SLC12A5: variants seen among roughly 807,000 people sequenced by gnomAD.
The protein encoded by SLC12A5 is K-Cl cotransporter 2.
SLC12A5 carries 18 observed loss-of-function variants against 124.0 expected under a neutral mutation model. The observed-to-expected ratio is 0.15, with a 90% CI of 0.10 to 0.22. SLC12A5 has a LOEUF of 0.22. SLC12A5 is among the 10% of genes least tolerant of loss of function. SLC12A5 has a pLI of 1.00. For synonymous variants in SLC12A5, 589 were observed against 568.0 expected (o/e 1.04, Z -0.53); for missense variants, 867 against 1,478.7 (o/e 0.59, Z 6.78).
chr20:46,026,214 C>CT (rs1251375053), upstream of SLC12A5, among the ~76,000 whole-genome samples: 2 of 152,188 alleles, frequency 1.3e-5, no homozygotes, highest in Admixed American at 6.5e-5. Flanking sequence ...CTTCTCTGAG[C>CT]TTTTTTCTCT....
chr20:46,057,623 C>G lies in SLC12A5; in HGVS notation c.*18C>G. On this transcript the variant is annotated 3_prime_UTR_variant, in exon 26 of 26. Coordinates refer to ENST00000243964, the MANE Select transcript of SLC12A5 (RefSeq NM_020708.5). This position sits in a 1 kb window ranked among gnomAD's most constrained non-coding sequence, Gnocchi z 7.1. Reference sequence around the variant, plus strand: ...ACTCCTGAGAACCAGGACCTGCCACCCGGGCCCGAGCGCGCCCGGCCCGCG... The same window carrying G: ...ACTCCTGAGAACCAGGACCTGCCACGCGGGCCCGAGCGCGCCCGGCCCGCG... 6.2e-7 allele frequency: 1 copy of G among 1,602,838 alleles called. No individual in the cohort carries two copies. The highest frequency in any genetic ancestry group is 8.5e-7 in the Non-Finnish European group (1 of 1,173,866).
In SLC12A5 at chr20:46,059,115, T is replaced by A. The variant is rs1487616454; in HGVS notation, c.*1510T>A. On this transcript the variant is annotated 3_prime_UTR_variant, in exon 26 of 26. Transcript: ENST00000243964. ...CCGGGTTCCCTTCCCCTAGGGCACA[T>A]TACTAAGGGGGTCAGGCACTGCATG... 1 of 219,628 alleles carries A rather than the reference T, an allele frequency of 4.6e-6. No individual in the cohort carries two copies. The highest frequency in any genetic ancestry group is 8.8e-6 in the Non-Finnish European group (1 of 113,250). The allele number at this position is 219,628 out of a possible 1,614,324, so 13.6% of individuals were successfully genotyped here.
intron 17 of SLC12A5, among the ~76,000 whole-genome samples, chr20:46,050,466 C>T (rs2084637406): frequency 6.6e-6 from 1 of 152,240 alleles, no homozygotes; most frequent in African/African-American, 2.4e-5. Context: ...GAAGTAGGTT[C>T]TGTCTGAGGG....
At chr20:46,022,984 G>GAGGAGGAGGAGGAGGAGGAGGAGA (rs1568852769) in exon 2 of SLC12A5, 6 of 385,906 alleles carry the variant, frequency 1.6e-5, no homozygotes, top group African/African-American at 1.1e-4. Flanking sequence ...GGAAGAGGAG[G>GAGGAGGAGGAGGAGGAGGAGGAGA]AGGAGGAAGA....
In SLC12A5 at chr20:46,056,103, G is replaced by C; in HGVS notation, c.2788-47G>C. The C allele has an allele frequency of 6.2e-7, 1 of 1,610,192 alleles. No individual in the cohort carries two copies. The highest frequency in any genetic ancestry group is 1.1e-5 in the South Asian group (1 of 90,490). The stretch of plus-strand genomic sequence containing the variant: ...TGGTGATAGCTCTTTGCAGGGCATG[G>C]GTGGTGACTCCCAGCAGAGCTGGCA... On this transcript the variant is annotated intron_variant, in intron 21 of 25. Transcript: ENST00000243964. This position sits in a 1 kb window ranked among gnomAD's most constrained non-coding sequence, Gnocchi z 4.3.
intron 1 of SLC12A5, among the ~76,000 whole-genome samples, chr20:46,030,008 G>A (rs1273245802): frequency 2.0e-5 from 3 of 151,824 alleles, no homozygotes; most frequent in African/African-American, 7.3e-5. Context: ...CACCCAGATT[G>A]TCCCCTTGGT....
Position 46,049,719 on chromosome 20 carries a change from C to G in SLC12A5, c.2110C>G (p.Leu704Val). The change falls in exon 17 of 26, where the codon CTG becomes GTG. Residue 704 changes from leucine to valine, a missense_variant. By Grantham distance (32) the Leu-to-Val change is conservative. Transcript: ENST00000243964. ...LTSQLKAGKG[L>V]TIVGSVLEGT... ...CTCCCAGCTGAAGGCGGGGAAGGGC[C>G]TGACCATCGTGGGCTCTGTCCTTGA... is the stretch of plus-strand genomic sequence containing the variant. 1 of 1,604,826 alleles carries G rather than the reference C, an allele frequency of 6.2e-7. No homozygotes were observed. The highest frequency in any genetic ancestry group is 8.5e-7 in the Non-Finnish European group (1 of 1,176,360).
At chr20:46,035,970 G>T in intron 4 of SLC12A5, 47 bp downstream of exon 4, 1 of 1,574,864 alleles carries the variant, frequency 6.3e-7, no homozygotes. Context: ...CTGGGGCTTG[G>T]CAGAGGCCTG....
Position 46,059,673 on chromosome 20 carries a change from C to G in SLC12A5, c.*2068C>G, listed in dbSNP as rs1250014303. On this transcript the variant is annotated 3_prime_UTR_variant, in exon 26 of 26. Coordinates refer to ENST00000243964, the MANE Select transcript of SLC12A5 (RefSeq NM_020708.5). ...ACAACAAAAACCCAAGTTTTCTGTG[C>G]TACATGTGCAATATTTGTTATGAAT... The G allele has an allele frequency of 6.8e-5, 27 of 398,952 alleles. No homozygotes were observed. The highest frequency in any genetic ancestry group is 1.1e-4 in the Non-Finnish European group (25 of 226,076). 24.7% of individuals were successfully genotyped at this position (398,952 alleles called of 1,614,324 possible).
intron 1 of SLC12A5, among the ~76,000 whole-genome samples, chr20:46,031,183 G>A (rs1386523260): frequency 6.6e-6 from 1 of 152,178 alleles, no homozygotes; most frequent in African/African-American, 2.4e-5. Flanking sequence ...AGGGGCTCAG[G>A]AGGCCTAGAA....
intron 13 of SLC12A5, 39 bp downstream of exon 13, chr20:46,046,035 G>T: frequency 6.3e-7 from 1 of 1,583,066 alleles, no homozygotes; most frequent in South Asian, 1.1e-5. Context: ...CTGGTTCAGG[G>T]TGTTTCTCTA....
intron 13 of SLC12A5, 76 bp downstream of exon 13, chr20:46,046,072 A>G (rs1482316210): frequency 8.6e-6 from 12 of 1,389,400 alleles, no homozygotes; most frequent in South Asian, 3.6e-5. Context: ...GTTACCTGTG[A>G]CAACCCACCC....
intron 1 of SLC12A5, among the ~76,000 whole-genome samples, chr20:46,033,778 C>G (rs2084474229): frequency 6.6e-6 from 1 of 152,190 alleles, no homozygotes; most frequent in Admixed American, 6.5e-5. Context: ...CTCCCCCTCC[C>G]CAAACATCTG....
intron 20 of SLC12A5, among the ~76,000 whole-genome samples, chr20:46,054,180 A>G (rs530935604): frequency 2.0e-4 from 30 of 152,362 alleles, no homozygotes; most frequent in Non-Finnish European, 3.8e-4. Context: ...AGACTTATAC[A>G]GCATGTTACT....
chr20:46,038,033 C>T lies in SLC12A5; in HGVS notation c.612+648C>T, dbSNP rs138493300. On this transcript the variant is annotated intron_variant, in intron 6 of 25. Coordinates refer to ENST00000243964, the MANE Select transcript of SLC12A5 (RefSeq NM_020708.5). ...GTGACTTAGGTCTCCATCCTTCATC[C>T]CCTTCCTGTAGGGCATGGGTGCTGA... Among the ~76,000 whole-genome samples the T allele has an allele frequency of 9.0e-3, 1,363 of 152,230 alleles. 9 individuals are homozygous for T. The highest frequency in any genetic ancestry group is 0.025 in the South Asian group (122 of 4,810).
chr20:46,053,504 C>G lies in SLC12A5; in HGVS notation c.2548-74C>G, dbSNP rs545136292. 1 of 1,578,766 alleles carries G rather than the reference C, an allele frequency of 6.3e-7. No individual in the cohort carries two copies. The highest frequency in any genetic ancestry group is 1.1e-5 in the South Asian group (1 of 88,852). ...TGGGTGGGAAGAGGGGAAGGGTGAG[C>G]GGACAGGGCCTGGCCCTGGATCTCC... On this transcript the variant is annotated intron_variant, in intron 19 of 25. Transcript: ENST00000243964. This position sits in a 1 kb window ranked among gnomAD's most constrained non-coding sequence, Gnocchi z 4.7.
intron 7 of SLC12A5, 151 bp from the exon 8 acceptor site, chr20:46,041,178 G>A: frequency 1.1e-5 from 6 of 552,728 alleles, no homozygotes; most frequent in South Asian, 2.2e-5. Flanking sequence ...AAAAAAAAAA[G>A]CCAATGGCCA....
intron 9 of SLC12A5, 125 bp downstream of exon 9, chr20:46,043,448 T>A: frequency 7.6e-7 from 1 of 1,323,660 alleles, no homozygotes; most frequent in Non-Finnish European, 1.1e-6. Context: ...ACATTTCACT[T>A]CCCATTGGAG....
chr20:46,057,380 G>A lies in SLC12A5; in HGVS notation c.3259+77G>A. 3.7e-6 allele frequency: 6 copies of A among 1,610,494 alleles called. No individual in the cohort carries two copies. The highest frequency in any genetic ancestry group is 5.1e-6 in the Non-Finnish European group (6 of 1,176,838). Reference sequence around the variant, plus strand: ...TGGGTCCTGTCCCTGGGATGGAAGAGCTGAGCTGTTCCTGCCTCCGGATCA... The same window carrying A: ...TGGGTCCTGTCCCTGGGATGGAAGAACTGAGCTGTTCCTGCCTCCGGATCA... On this transcript the variant is annotated intron_variant, in intron 25 of 25. Coordinates refer to ENST00000243964, the MANE Select transcript of SLC12A5 (RefSeq NM_020708.5). The surrounding 1 kb of genome is among the most constrained non-coding windows in gnomAD (Gnocchi z 7.1).
Sources: gnomAD v4.1 joint callset for allele counts (sites outside exome capture counted in the v4.1 genomes callset) on GRCh38, gnomAD v4.1.1 for gene constraint, Gnocchi (gnomAD v3.1) non-coding constraint, MANE v1.5 for transcripts, NCBI Gene and HGNC (gene_info 2026-07-23, HGNC 2026-07-21) for gene names.